RSF1: variants seen among roughly 807,000 people sequenced by gnomAD.
RSF1 encodes the protein HBV pX-associated protein 8.
A neutral mutation model predicts 145.2 loss-of-function variants in RSF1; 13 were observed. The ratio of observed to expected loss-of-function variants is 0.09; its 90% CI spans 0.06 to 0.14. RSF1 has a LOEUF of 0.14. RSF1 is among the 10% of genes least tolerant of loss of function. The pLI is 1.00. For synonymous variants in RSF1, 577 were observed against 592.6 expected, an observed-to-expected ratio of 0.97 and a Z score of 0.38; for missense variants, 1,517 against 1,718.2, an observed-to-expected ratio of 0.88 and a Z score of 2.07.
At chr11:77,820,041 T>C (rs1490319522) in intron 1 of RSF1, among the ~76,000 whole-genome samples, 1 of 151,848 alleles carries the variant, frequency 6.6e-6, no homozygotes. Flanking sequence ...TGAAGGGAGA[T>C]AAGGAGGTGT....
At chr11:77,758,324 A>C (rs1300913243) in intron 2 of RSF1, among the ~76,000 whole-genome samples, 1 of 152,192 alleles carries the variant, frequency 6.6e-6, no homozygotes, top group Non-Finnish European at 1.5e-5. Context: ...ATTATACATA[A>C]GATTTCTGTT....
rs190239913 is a variant in RSF1, at chr11:77,816,099, C to T, written c.187+4429G>A. Among the ~76,000 whole-genome samples, 289 of 152,252 alleles carry T rather than the reference C, an allele frequency of 1.9e-3. 4 individuals carry two copies. Among genetic ancestry groups the T allele is most frequent in the African/African-American group, 6.8e-3 (281 of 41,552 alleles). ...ATGAAATCTGTTTCTCTCTTTTCAT[C>T]TAATAAGTGCCCTAAAGAATATTTG... is the stretch of plus-strand genomic sequence containing the variant. On this transcript the variant is annotated intron_variant, in intron 1 of 15. Transcript: ENST00000308488.
In RSF1 at chr11:77,797,972, G is replaced by A. The variant is rs573423682; in HGVS notation, c.187+22556C>T. ...CACAATGAGATACCATCTCACGCCA[G>A]TTAGAATGGCAATCATTAAAAAGTC... is the stretch of plus-strand genomic sequence containing the variant. On this transcript the variant is annotated intron_variant, in intron 1 of 15. Transcript: ENST00000308488. 8.5e-5 allele frequency among the ~76,000 whole-genome samples: 13 copies of A among 152,340 alleles called. No individual in the cohort carries two copies. In the South Asian group the frequency reaches 1.7e-3, roughly 19 times the overall value.
chr11:77,857,896 C>A, the RSF1 span, among the ~76,000 whole-genome samples: 7 of 152,040 alleles, frequency 4.6e-5, no homozygotes, highest in Non-Finnish European at 8.8e-5. Context: ...AGGGTTTCAC[C>A]ATATTGGCCA....
chr11:77,768,161 C>CT (rs758401653), intron 1 of RSF1, among the ~76,000 whole-genome samples: 4,622 of 122,644 alleles, frequency 0.038, 323 homozygotes, highest in African/African-American at 0.1. Flanking sequence ...ATATTATCAG[C>CT]TTTTTTTTTT....
chr11:77,805,382 A>T (rs1207576762), intron 1 of RSF1, among the ~76,000 whole-genome samples: 2 of 152,064 alleles, frequency 1.3e-5, no homozygotes, highest in African/African-American at 4.8e-5. Flanking sequence ...CAGAGGTTGC[A>T]ATGAGCCAAG....
the RSF1 span, among the ~76,000 whole-genome samples, chr11:77,865,614 T>C: frequency 2.6e-5 from 4 of 152,228 alleles, no homozygotes; most frequent in African/African-American, 9.6e-5. Flanking sequence ...ATCAGCTATA[T>C]GCCCCAGAAA....
At chr11:77,803,140 G>A (rs1948642935) in intron 1 of RSF1, among the ~76,000 whole-genome samples, 1 of 152,024 alleles carries the variant, frequency 6.6e-6, no homozygotes, top group Non-Finnish European at 1.5e-5. Context: ...GACAGGATAG[G>A]AACTAGAGAG....
At chr11:77,712,297 G>A (rs902049138) in intron 5 of RSF1, among the ~76,000 whole-genome samples, 2 of 152,132 alleles carry the variant, frequency 1.3e-5, no homozygotes, top group South Asian at 2.1e-4. Flanking sequence ...CTTGCCTCCC[G>A]CCAAGACATG....
intron 5 of RSF1, among the ~76,000 whole-genome samples, chr11:77,724,218 A>T (rs1279281891): frequency 1.3e-5 from 2 of 152,230 alleles, no homozygotes; most frequent in Admixed American, 1.3e-4. Context: ...ATAAAAAAAC[A>T]AACAGAAACA....
At chr11:77,781,944 A>G (rs1004874872) in intron 1 of RSF1, among the ~76,000 whole-genome samples, 1 of 152,288 alleles carries the variant, frequency 6.6e-6, no homozygotes, top group Non-Finnish European at 1.5e-5. Flanking sequence ...TTTCATTTTC[A>G]GATACTAATA....
chr11:77,725,667 A>T lies in RSF1; in HGVS notation c.611T>A (p.Leu204His). The T allele has an allele frequency of 6.3e-7, 1 of 1,596,468 alleles. No homozygotes were observed. The highest frequency in any genetic ancestry group is 1.1e-5 in the South Asian group (1 of 88,000). ...TACAGGATCAATTTGTGCTTTCAGG[A>T]GTGCAAGAGTCTCAGCCAACTCGTT... Reference protein sequence around the residue: ...NRNELAETLALLKAQIDPVLL... With the variant: ...NRNELAETLAHLKAQIDPVLL... Residue 204 changes from leucine (L) to histidine (H), a missense_variant, in exon 5 of 16, where the codon CTC (leucine) becomes CAC (histidine). Physicochemically the swap from Leu to His is moderately conservative, Grantham distance 99. Around this residue, in one of 12 missense-constraint regions of RSF1, gnomAD observed 207 missense variants for 191.4 expected, o/e 1.08. Coordinates refer to ENST00000308488, the MANE Select transcript of RSF1 (RefSeq NM_016578.4).
chr11:77,810,832 A>C (rs971502976), intron 1 of RSF1, among the ~76,000 whole-genome samples: 5 of 152,252 alleles, frequency 3.3e-5, no homozygotes, highest in Non-Finnish European at 7.3e-5. Context: ...ATCATCTGAT[A>C]AGACTTCCAT....
the RSF1 span, chr11:77,869,810 C>G: frequency 6.2e-7 from 1 of 1,613,580 alleles, no homozygotes. Flanking sequence ...ATGAGTGAGG[C>G]CTTGAAGGTA....
intron 4 of RSF1, among the ~76,000 whole-genome samples, chr11:77,728,367 T>C (rs1961108694): frequency 6.6e-6 from 1 of 152,114 alleles, no homozygotes; most frequent in Non-Finnish European, 1.5e-5. Flanking sequence ...TTTGTAAAGA[T>C]TACTCTACTT....
At chr11:77,683,063 C>T (rs1450386596) in intron 11 of RSF1, among the ~76,000 whole-genome samples, 1 of 151,080 alleles carries the variant, frequency 6.6e-6, no homozygotes, top group Non-Finnish European at 1.5e-5. Context: ...GAGGCTGAAG[C>T]GGGTGGATTA....
At chr11:77,756,335 G>A (rs1343654747) in intron 2 of RSF1, among the ~76,000 whole-genome samples, 1 of 142,846 alleles carries the variant, frequency 7.0e-6, no homozygotes, top group Non-Finnish European at 1.5e-5. Context: ...TCCAGCTTGG[G>A]CAACAAGAGC....
chr11:77,774,724 C>T (rs1948323915), intron 1 of RSF1, among the ~76,000 whole-genome samples: 1 of 150,832 alleles, frequency 6.6e-6, no homozygotes, highest in African/African-American at 2.4e-5. Flanking sequence ...GTCAGGAGTT[C>T]AAGACCAGCC....
At chr11:77,755,189 G>A (rs889711896) in intron 2 of RSF1, among the ~76,000 whole-genome samples, 1 of 152,172 alleles carries the variant, frequency 6.6e-6, no homozygotes, top group Non-Finnish European at 1.5e-5. Flanking sequence ...TGTAGAAAAT[G>A]GATTGCAGAG....
Sources: gnomAD v4.1 joint callset for allele counts (sites outside exome capture counted in the v4.1 genomes callset) on GRCh38, gnomAD v4.1.1 for gene constraint, gnomAD v4.1.1 regional missense constraint, MANE v1.5 for transcripts, NCBI Gene and HGNC (gene_info 2026-07-23, HGNC 2026-07-21) for gene names.